The following GRIK2 variants were observed in gnomAD, a reference collection of about 807,000 sequenced individuals.
The protein encoded by GRIK2 is glutamate receptor ionotropic, kainate 2.
GRIK2 carries 32 observed loss-of-function variants against 100.3 expected under a neutral mutation model. The ratio of observed to expected loss-of-function variants is 0.32; its 90% confidence interval spans 0.24 to 0.43. The LOEUF (loss-of-function observed/expected upper bound fraction) is 0.43. GRIK2 is among the 20% of genes least tolerant of loss of function. The pLI is 1.00. For missense variants in GRIK2, 843 were observed against 1,114.9 expected (o/e 0.76, Z 3.47); for synonymous variants, 417 against 389.4 (o/e 1.07, Z -0.83).
chr6:101,492,529 G>C (rs1002000082), intron 2 of GRIK2, among the ~76,000 whole-genome samples: 1 of 151,614 alleles, frequency 6.6e-6, no homozygotes, highest in Non-Finnish European at 1.5e-5. Flanking sequence ...TTCTTTTGAA[G>C]GCCACATTGT....
chr6:101,755,260 G>C (rs1362525206), intron 7 of GRIK2, among the ~76,000 whole-genome samples: 1 of 141,668 alleles, frequency 7.1e-6, no homozygotes, highest in Middle Eastern at 4.1e-3. Flanking sequence ...TCCGCTTCCC[G>C]GGTTCACGCC....
At chr6:101,925,148 G>A (rs1789804024) in intron 13 of GRIK2, among the ~76,000 whole-genome samples, 1 of 151,968 alleles carries the variant, frequency 6.6e-6, no homozygotes, top group African/African-American at 2.4e-5. Flanking sequence ...CATTTGTATT[G>A]CATGATTAGT....
chr6:102,021,244 T>C (rs951203966), intron 14 of GRIK2, among the ~76,000 whole-genome samples: 2 of 151,738 alleles, frequency 1.3e-5, no homozygotes, highest in African/African-American at 4.8e-5. Flanking sequence ...TCCCTAGTTA[T>C]TAAGTGTCAG....
chr6:102,067,205 G>T (rs1426483520), intron 16 of GRIK2, among the ~76,000 whole-genome samples: 2 of 151,602 alleles, frequency 1.3e-5, no homozygotes, highest in African/African-American at 4.8e-5. Context: ...GGAATGGTTA[G>T]ATATGTCTAA....
At chr6:101,479,854 A>G (rs185252076) in intron 2 of GRIK2, among the ~76,000 whole-genome samples, 6 of 152,292 alleles carry the variant, frequency 3.9e-5, no homozygotes, top group Admixed American at 3.9e-4. Context: ...TTATTTTATT[A>G]AGACAATATT....
At chr6:101,630,312 C>T (rs775849208) in intron 4 of GRIK2, among the ~76,000 whole-genome samples, 14 of 152,130 alleles carry the variant, frequency 9.2e-5, no homozygotes, top group Non-Finnish European at 2.1e-4. Context: ...AATGGCTGAA[C>T]TAATTTACAT....
chr6:101,432,337 G>C (rs758064212), intron 2 of GRIK2, among the ~76,000 whole-genome samples: 7 of 152,134 alleles, frequency 4.6e-5, no homozygotes, highest in Non-Finnish European at 5.9e-5. Context: ...AGAAAGATGA[G>C]TCTTTGCTCT....
At chr6:102,052,184 G>C (rs2114494570) in intron 15 of GRIK2, among the ~76,000 whole-genome samples, 1 of 152,210 alleles carries the variant, frequency 6.6e-6, no homozygotes, top group Middle Eastern at 3.4e-3. Context: ...TTCCAAAGGA[G>C]CATCAAATTA....
intron 7 of GRIK2, among the ~76,000 whole-genome samples, chr6:101,738,618 G>A (rs1775832203): frequency 6.6e-6 from 1 of 152,000 alleles, no homozygotes; most frequent in Non-Finnish European, 1.5e-5. Flanking sequence ...TAAATATTAA[G>A]CAAGAGTCCC....
At chr6:101,749,121 T>A (rs1776624374) in intron 7 of GRIK2, among the ~76,000 whole-genome samples, 1 of 152,292 alleles carries the variant, frequency 6.6e-6, no homozygotes, top group Admixed American at 6.5e-5. Flanking sequence ...TATTGATTTA[T>A]TTTTTGAGAC....
chr6:101,682,456 T>G, intron 5 of GRIK2, 97 bp from the exon 6 acceptor site: 5 of 703,788 alleles, frequency 7.1e-6, no homozygotes, highest in Non-Finnish European at 1.0e-5. Context: ...GTAGGTTGAT[T>G]CTTTATCACA....
chr6:101,896,279 A>G (rs1474631357), intron 12 of GRIK2, among the ~76,000 whole-genome samples: 1 of 151,706 alleles, frequency 6.6e-6, no homozygotes, highest in Non-Finnish European at 1.5e-5. Context: ...CTCTTGACTG[A>G]AAGTATCCAT....
At chr6:102,059,509 G>A (rs1419221958) in intron 16 of GRIK2, among the ~76,000 whole-genome samples, 1 of 151,102 alleles carries the variant, frequency 6.6e-6, no homozygotes, top group African/African-American at 2.4e-5. Flanking sequence ...CACTTTGGGT[G>A]TATGGATTTG....
chr6:101,677,849 G>A (rs9498667), intron 5 of GRIK2, among the ~76,000 whole-genome samples: 91,901 of 152,010 alleles, frequency 0.6, 30,120 homozygotes, highest in Non-Finnish European at 0.75. Context: ...AATTTATTAA[G>A]CAGATGTTTA....
At chr6:101,916,824 G>GT (rs1304741260) in intron 12 of GRIK2, among the ~76,000 whole-genome samples, 1 of 151,662 alleles carries the variant, frequency 6.6e-6, no homozygotes, top group African/African-American at 2.4e-5. Flanking sequence ...TTCATTATAT[G>GT]TAACATTTTC....
chr6:101,822,158 G>A (rs536388363), intron 10 of GRIK2, among the ~76,000 whole-genome samples: 2 of 150,350 alleles, frequency 1.3e-5, no homozygotes, highest in East Asian at 2.0e-4. Context: ...AGACATGATC[G>A]CTTCCCTTAT....
intron 7 of GRIK2, among the ~76,000 whole-genome samples, chr6:101,719,368 C>T (rs1053025109): frequency 5.3e-5 from 8 of 151,794 alleles, no homozygotes; most frequent in African/African-American, 1.9e-4. Flanking sequence ...AATATACTTT[C>T]ACTGCTAGCC....
chr6:101,545,912 TCTTG>T (rs1174659002), intron 2 of GRIK2, among the ~76,000 whole-genome samples: 1 of 151,338 alleles, frequency 6.6e-6, no homozygotes, highest in South Asian at 2.1e-4. Context: ...AGGTTAGAAT[TCTTG>T]CTTATCTGTG....
At chr6:101,649,281 A>G (rs1352133434) in intron 4 of GRIK2, among the ~76,000 whole-genome samples, 2 of 152,104 alleles carry the variant, frequency 1.3e-5, no homozygotes, top group Non-Finnish European at 2.9e-5. Flanking sequence ...TTTTATTTCC[A>G]TCACCTCAAT....
Sources: gnomAD v4.1 joint callset for allele counts (sites outside exome capture counted in the v4.1 genomes callset) on GRCh38, gnomAD v4.1.1 for gene constraint, MANE v1.5 for transcripts, NCBI Gene and HGNC (gene_info 2026-07-23, HGNC 2026-07-21) for gene names.